The following LRP1B variants were observed in gnomAD, a reference collection of about 807,000 sequenced individuals.
LRP1B encodes low-density lipoprotein receptor-related protein 1B.
A neutral mutation model predicts 556.6 loss-of-function variants in LRP1B; 217 were observed. The observed-to-expected ratio is 0.39, with a 90% CI of 0.35 to 0.44. The LOEUF (loss-of-function observed/expected upper bound fraction) is 0.44. Among genes scored for constraint, LRP1B ranks in the 20% least tolerant of loss-of-function variants. LRP1B has a pLI of 1.00. For synonymous variants in LRP1B, 2,047 were observed against 1,865.8 expected, an observed-to-expected ratio of 1.10 and a Z score of -2.50; for missense variants, 5,053 against 5,620.8, an observed-to-expected ratio of 0.90 and a Z score of 3.23.
intron 2 of LRP1B, 102 bp from the exon 3 acceptor site, chr2:141,480,635 A>G (rs1682883672): frequency 2.6e-6 from 3 of 1,160,168 alleles, no homozygotes; most frequent in African/African-American, 1.5e-5. Context: ...AAACAAAACT[A>G]TAGAAAATAC....
intron 3 of LRP1B, among the ~76,000 whole-genome samples, chr2:141,479,079 A>T (rs1395193430): frequency 2.6e-5 from 4 of 152,154 alleles, no homozygotes; most frequent in Non-Finnish European, 5.9e-5. Context: ...AGTCAGCGTA[A>T]TTGGACCTTC....
chr2:140,297,027 G>A (rs1301808186), intron 84 of LRP1B, among the ~76,000 whole-genome samples: 2 of 152,146 alleles, frequency 1.3e-5, no homozygotes, highest in Non-Finnish European at 2.9e-5. Flanking sequence ...TAGTCATAAA[G>A]CAGGAGAAAA....
chr2:140,459,605 C>T (rs1687233878), intron 60 of LRP1B, among the ~76,000 whole-genome samples: 1 of 152,188 alleles, frequency 6.6e-6, no homozygotes. Flanking sequence ...ATTTATTAAG[C>T]ACTTGGGTGC....
chr2:140,994,513 G>A (rs1697186499), intron 15 of LRP1B, among the ~76,000 whole-genome samples: 1 of 151,622 alleles, frequency 6.6e-6, no homozygotes, highest in African/African-American at 2.4e-5. Context: ...TGGCAGATAG[G>A]TAGGATGAAT....
chr2:141,266,290 C>T (rs1443970528), intron 3 of LRP1B, among the ~76,000 whole-genome samples: 1 of 146,374 alleles, frequency 6.8e-6, no homozygotes, highest in East Asian at 2.0e-4. Context: ...CGCCACTGTA[C>T]TCCAGCCTGA....
rs2105373905 is a variant in LRP1B, at chr2:141,005,427, C to G, written c.2411G>C (p.Gly804Ala). 2.5e-6 allele frequency: 4 copies of G among 1,611,212 alleles called. No individual in the cohort carries two copies. Among genetic ancestry groups the G allele is most frequent in the Non-Finnish European group, 3.4e-6 (4 of 1,178,112 alleles). The change falls in exon 15 of 91, where the codon GGC (glycine) becomes GCC (alanine). Residue 804 changes from glycine (G) to alanine (A), a missense_variant. Physicochemically the swap from Gly to Ala is moderately conservative, Grantham distance 60 (BLOSUM62 0). Around this residue, in one of 5 missense-constraint regions of LRP1B, gnomAD observed 3,619 missense variants for 3,931.9 expected, o/e 0.92. Transcript: ENST00000389484. ...GATAGCCAAGCAAAGTGTACTACAG[C>G]CCCCATTATTTACTCGGCACATATT... The part of the protein sequence containing the change: ...GDNMCRVNNG[G>A]CSTLCLAIPG...
intron 5 of LRP1B, among the ~76,000 whole-genome samples, chr2:141,231,262 TGGCATGGGCCAGGATATCA>T (rs1334649891): frequency 1.3e-5 from 2 of 152,254 alleles, no homozygotes; most frequent in Non-Finnish European, 2.9e-5. Flanking sequence ...CTTTTGTTTC[TGGCATGGGCCAGGATATCA>T]GGCACCTGTG....
At chr2:141,397,488 A>AT (rs1690283828) in intron 3 of LRP1B, among the ~76,000 whole-genome samples, 2 of 152,032 alleles carry the variant, frequency 1.3e-5, no homozygotes, top group Non-Finnish European at 2.9e-5. Flanking sequence ...AAAAAACACA[A>AT]TATTATTTTT....
intron 2 of LRP1B, among the ~76,000 whole-genome samples, chr2:141,499,043 T>C (rs945800786): frequency 6.6e-6 from 1 of 152,082 alleles, no homozygotes; most frequent in Admixed American, 6.6e-5. Context: ...TCTGAGAAAC[T>C]ACAGAAGAGA....
intron 14 of LRP1B, among the ~76,000 whole-genome samples, chr2:141,007,876 A>G (rs1697624262): frequency 6.6e-6 from 1 of 151,750 alleles, no homozygotes; most frequent in Non-Finnish European, 1.5e-5. Context: ...TTTGAAATAT[A>G]TTTCTTTTCT....
chr2:141,669,569 A>G (rs1690582938), intron 2 of LRP1B, among the ~76,000 whole-genome samples: 2 of 152,012 alleles, frequency 1.3e-5, no homozygotes, highest in Non-Finnish European at 2.9e-5. Flanking sequence ...ACCCTGTAAG[A>G]CTTGCTACCT....
At chr2:140,803,297 T>C (rs1292534823) in intron 32 of LRP1B, among the ~76,000 whole-genome samples, 1 of 127,198 alleles carries the variant, frequency 7.9e-6, no homozygotes, top group African/African-American at 3.1e-5. Flanking sequence ...TTTTCCGAGA[T>C]GGAGTCTCCC....
intron 57 of LRP1B, among the ~76,000 whole-genome samples, chr2:140,488,874 GT>G (rs1688586942): frequency 6.6e-6 from 1 of 151,896 alleles, no homozygotes; most frequent in Non-Finnish European, 1.5e-5. Context: ...AGAGGCAGGG[GT>G]TTTTTATTTG....
intron 66 of LRP1B, among the ~76,000 whole-genome samples, chr2:140,411,547 G>A (rs1013355374): frequency 6.6e-6 from 1 of 151,988 alleles, no homozygotes; most frequent in Non-Finnish European, 1.5e-5. Flanking sequence ...TTAAGATTTA[G>A]AAATAGCCAC....
intron 2 of LRP1B, among the ~76,000 whole-genome samples, chr2:141,653,489 A>G (rs1332839656): frequency 1.3e-5 from 2 of 152,242 alleles, no homozygotes; most frequent in Non-Finnish European, 2.9e-5. Flanking sequence ...ATCAAGGCCA[A>G]TAGAACACTG....
chr2:141,103,864 T>G (rs554450744), intron 7 of LRP1B, among the ~76,000 whole-genome samples: 1 of 152,062 alleles, frequency 6.6e-6, no homozygotes, highest in East Asian at 1.9e-4. Context: ...TAGCAAAGTC[T>G]TTTTTCAAAG....
At chr2:140,581,635 T>C (rs1384471648) in intron 43 of LRP1B, among the ~76,000 whole-genome samples, 6 of 152,150 alleles carry the variant, frequency 3.9e-5, no homozygotes, top group Non-Finnish European at 8.8e-5. Flanking sequence ...AAATCTAGTA[T>C]CAGAATAGAC....
chr2:142,106,047 C>T (rs1023001626), intron 1 of LRP1B, among the ~76,000 whole-genome samples: 1 of 152,146 alleles, frequency 6.6e-6, no homozygotes, highest in Admixed American at 6.6e-5. Context: ...TCTTCTCAAG[C>T]CCTATGTCTA....
chr2:140,293,031 C>T lies in LRP1B; in HGVS notation c.12967+4777G>A, dbSNP rs566940541. Among the ~76,000 whole-genome samples, 474 of 152,218 alleles carry T rather than the reference C, an allele frequency of 3.1e-3. 2 individuals are homozygous for T. Among genetic ancestry groups the T allele is most frequent in the African/African-American group, 0.011 (464 of 41,542 alleles). On this transcript the variant is annotated intron_variant, in intron 84 of 90. Transcript: ENST00000389484. The stretch of plus-strand genomic sequence containing the variant: ...ACTTAATGTCTGTACTTACTGGAAC[C>T]AGGGAGAATAAGCTGTACAGGTATA...
Sources: allele counts gnomAD v4.1 joint callset (sites outside exome capture counted in the v4.1 genomes callset), GRCh38; gene constraint gnomAD v4.1.1; regional missense constraint gnomAD v4.1.1; transcripts MANE v1.5; gene names NCBI Gene and HGNC (gene_info 2026-07-23, HGNC 2026-07-21).